The following DTNA variants were observed in gnomAD, a reference collection of about 807,000 sequenced individuals.
DTNA encodes dystrobrevin alpha.
A neutral mutation model predicts 100.7 loss-of-function variants in DTNA; 43 were observed. The ratio of observed to expected loss-of-function variants is 0.43; its 90% CI spans 0.33 to 0.55. The LOEUF is 0.55. Among genes scored for constraint, DTNA ranks in the 20% least tolerant of loss-of-function variants. The pLI is 0.04. For missense variants in DTNA, 798 were observed against 953.9 expected, an observed-to-expected ratio of 0.84 and a Z score of 2.15; for synonymous variants, 349 against 347.9, an observed-to-expected ratio of 1.00 and a Z score of -0.04.
At chr18:34,602,145 G>C (rs1567990902) in intron 1 of DTNA, among the ~76,000 whole-genome samples, 2 of 152,138 alleles carry the variant, frequency 1.3e-5, no homozygotes, top group Non-Finnish European at 2.9e-5. Context: ...TTAGCATTTA[G>C]TTTTAAGCAC....
At chr18:34,734,755 A>G (rs1342820282) in intron 1 of DTNA, among the ~76,000 whole-genome samples, 1 of 152,160 alleles carries the variant, frequency 6.6e-6, no homozygotes, top group East Asian at 1.9e-4. Flanking sequence ...GGTATTATGT[A>G]TAGAGTCACC....
At chr18:34,774,209 A>G (rs1420790807) in intron 3 of DTNA, among the ~76,000 whole-genome samples, 3 of 152,266 alleles carry the variant, frequency 2.0e-5, no homozygotes, top group Non-Finnish European at 4.4e-5. Flanking sequence ...GTGCCAAGGC[A>G]AGATTCGATG....
chr18:34,669,902 A>G (rs1412406498), intron 1 of DTNA, among the ~76,000 whole-genome samples: 16 of 152,040 alleles, frequency 1.1e-4, no homozygotes, highest in African/African-American at 3.4e-4. Flanking sequence ...ACAATTATGT[A>G]TCTTGGAGTT....
intron 1 of DTNA, among the ~76,000 whole-genome samples, chr18:34,519,658 C>A (rs866598271): frequency 6.6e-6 from 1 of 152,032 alleles, no homozygotes; most frequent in Admixed American, 6.6e-5. Flanking sequence ...TTTCAAGCTA[C>A]TTTTTTTAAA....
intron 1 of DTNA, among the ~76,000 whole-genome samples, chr18:34,518,811 AAATAT>A (rs748126499): frequency 3.3e-5 from 5 of 151,604 alleles, no homozygotes; most frequent in Non-Finnish European, 5.9e-5. Context: ...GCAGCACCTG[AAATAT>A]CTCCTGGTAT....
chr18:34,519,865 T>C (rs1324571260), intron 1 of DTNA, among the ~76,000 whole-genome samples: 1 of 152,208 alleles, frequency 6.6e-6, no homozygotes, highest in Non-Finnish European at 1.5e-5. Context: ...GAAAGTTTTC[T>C]CAAGTCACAT....
intron 1 of DTNA, among the ~76,000 whole-genome samples, chr18:34,661,297 A>T (rs1196487867): frequency 6.6e-6 from 1 of 152,226 alleles, no homozygotes; most frequent in Non-Finnish European, 1.5e-5. Flanking sequence ...TAGCTAGTGG[A>T]TACGTTGATC....
intron 1 of DTNA, among the ~76,000 whole-genome samples, chr18:34,501,609 CT>C (rs1452411236): frequency 6.6e-6 from 1 of 151,998 alleles, no homozygotes; most frequent in Admixed American, 6.6e-5. Flanking sequence ...TTCTTTAGGG[CT>C]TTTTTGTTTT....
Position 34,888,476 on chromosome 18 carries a change from G to A in DTNA, c.*742G>A, listed in dbSNP as rs2096941734. ...ATTCTTTGGGGCCTCTTTCCAACTC[G>A]AGGTTGTTTTCTTTCAAGATACTCT... On this transcript the variant is annotated 3_prime_UTR_variant, in exon 23 of 23. Coordinates refer to ENST00000444659, the MANE Select transcript of DTNA (RefSeq NM_001386795.1). 1.5e-5 allele frequency: 15 copies of A among 985,698 alleles called. No individual in the cohort carries two copies. Among genetic ancestry groups the A allele is most frequent in the Non-Finnish European group, 1.8e-5 (15 of 829,914 alleles). 61.1% of individuals were successfully genotyped at this position (985,698 alleles called of 1,614,324 possible).
At chr18:34,691,138 G>A (rs1286801108) in intron 1 of DTNA, among the ~76,000 whole-genome samples, 2 of 152,116 alleles carry the variant, frequency 1.3e-5, no homozygotes, top group African/African-American at 4.8e-5. Context: ...AAAACATTCT[G>A]TCACGTCATA....
At chr18:34,666,735 T>C (rs71363462) in intron 1 of DTNA, among the ~76,000 whole-genome samples, 13,064 of 152,096 alleles carry the variant, frequency 0.086, 724 homozygotes, top group African/African-American at 0.14. Context: ...TGGTTGTAGA[T>C]GTGTGGTATT....
chr18:34,633,201 A>G (rs1251025198), intron 1 of DTNA, among the ~76,000 whole-genome samples: 1 of 152,158 alleles, frequency 6.6e-6, no homozygotes, highest in African/African-American at 2.4e-5. Context: ...TGAGTTAATT[A>G]TTTGGAACTC....
intron 1 of DTNA, among the ~76,000 whole-genome samples, chr18:34,543,689 A>G (rs548686639): frequency 1.3e-5 from 2 of 152,260 alleles, no homozygotes; most frequent in South Asian, 2.1e-4. Context: ...GCATTTATTA[A>G]TTCAGTCAGT....
intron 1 of DTNA, among the ~76,000 whole-genome samples, chr18:34,686,761 C>T (rs539725932): frequency 6.6e-6 from 1 of 152,100 alleles, no homozygotes; most frequent in Non-Finnish European, 1.5e-5. Context: ...ATGAATCCGT[C>T]TAGTCCTGGG....
chr18:34,824,353 G>T (rs2095801516), intron 9 of DTNA, among the ~76,000 whole-genome samples: 1 of 152,030 alleles, frequency 6.6e-6, no homozygotes, highest in Non-Finnish European at 1.5e-5. Context: ...GTGGGCGCCT[G>T]TAGTCCCAGC....
chr18:34,878,713 G>A (rs1432972089), intron 19 of DTNA, among the ~76,000 whole-genome samples: 2 of 152,110 alleles, frequency 1.3e-5, no homozygotes, highest in African/African-American at 4.8e-5. Context: ...AAAATTTAAG[G>A]AGACTTTTTA....
intron 8 of DTNA, among the ~76,000 whole-genome samples, chr18:34,820,089 C>T (rs2095675846): frequency 6.6e-6 from 1 of 151,640 alleles, no homozygotes; most frequent in South Asian, 2.1e-4. Context: ...GGATAAATTT[C>T]CCAACAATCT....
At chr18:34,833,709 T>C (rs1452436202) in intron 11 of DTNA, among the ~76,000 whole-genome samples, 2 of 152,164 alleles carry the variant, frequency 1.3e-5, no homozygotes, top group Non-Finnish European at 2.9e-5. Flanking sequence ...AAGATGGCGA[T>C]AAGAAAAAGA....
At chr18:34,753,532 G>A (rs994624557) in intron 1 of DTNA, among the ~76,000 whole-genome samples, 2 of 146,084 alleles carry the variant, frequency 1.4e-5, no homozygotes, top group African/African-American at 2.7e-5. Context: ...ACAGGCGCCC[G>A]CCACTACGCC....
Sources: allele counts gnomAD v4.1 joint callset (sites outside exome capture counted in the v4.1 genomes callset), GRCh38; gene constraint gnomAD v4.1.1; transcripts MANE v1.5; gene names NCBI Gene and HGNC (gene_info 2026-07-23, HGNC 2026-07-21).